Variants in MYOF observed in about 807,000 individuals in gnomAD.
The protein encoded by MYOF is fer-1-like 3, myoferlin.
A neutral mutation model predicts 284.2 loss-of-function variants in MYOF; 244 were observed. That is an observed-to-expected ratio of 0.86 (90% CI 0.77 to 0.95). The LOEUF (loss-of-function observed/expected upper bound fraction) is 0.95, where lower values mean the gene tolerates loss of function less well. Among genes scored for constraint, MYOF ranks in the 40% least tolerant of loss-of-function variants. The pLI, the probability that MYOF is intolerant of heterozygous loss-of-function variation, is 0.00. For synonymous variants in MYOF, 904 were observed against 919.7 expected, an observed-to-expected ratio of 0.98 and a Z score of 0.31; for missense variants, 2,496 against 2,560.6, an observed-to-expected ratio of 0.97 and a Z score of 0.54.
intron 17 of MYOF, among the ~76,000 whole-genome samples, chr10:93,389,407 A>G (rs1846563364): frequency 6.6e-6 from 1 of 152,258 alleles, no homozygotes; most frequent in African/African-American, 2.4e-5. Flanking sequence ...ATTTAAATAA[A>G]GAGCAATTAG....
chr10:93,478,410 G>A (rs7095411), intron 1 of MYOF: 2,336 of 163,584 alleles, frequency 0.014, 65 homozygotes, highest in African/African-American at 0.053. Context: ...TTACATAAGC[G>A]TTGTGGCTTT....
In MYOF at chr10:93,355,701, G is replaced by T. The variant is rs931776892; in HGVS notation, c.3330C>A (p.Ser1110Arg). Residue 1110 changes from serine (S) to arginine (R), a missense_variant, in exon 31 of 54, where the codon AGC (serine) becomes AGA (arginine). By Grantham distance (110) the Ser-to-Arg change is moderately radical (BLOSUM62 -1). Coordinates refer to ENST00000359263, the MANE Select transcript of MYOF (RefSeq NM_013451.4). ...ADTTEDGDEK[S>R]LEKQKHSATT... The stretch of plus-strand genomic sequence containing the variant: ...TGGCACTGTGCTTCTGTTTCTCCAG[G>T]CTCTTCTCATCCCCATCTTCGGTAG... The T allele has an allele frequency of 2.2e-5, 36 of 1,613,090 alleles. No individual in the cohort carries two copies. Among genetic ancestry groups the T allele is most frequent in the Non-Finnish European group, 2.8e-5 (33 of 1,179,404 alleles).
intron 5 of MYOF, among the ~76,000 whole-genome samples, chr10:93,420,328 G>A (rs573458866): frequency 2.6e-5 from 4 of 152,310 alleles, no homozygotes; most frequent in East Asian, 1.9e-4. Flanking sequence ...GACATCTGGC[G>A]AATTAAGTTG....
At chr10:93,396,806 G>A (rs1263185299) in intron 15 of MYOF, among the ~76,000 whole-genome samples, 2 of 152,164 alleles carry the variant, frequency 1.3e-5, no homozygotes, top group African/African-American at 4.8e-5. Flanking sequence ...TAGAAGGCTG[G>A]TCTACTAAAA....
Position 93,337,807 on chromosome 10 carries a change from C to T in MYOF, c.4437+8G>A. 6.2e-7 allele frequency: 1 copy of T among 1,610,130 alleles called. No individual in the cohort carries two copies. Among genetic ancestry groups the T allele is most frequent in the Non-Finnish European group, 8.5e-7 (1 of 1,176,532 alleles). Reference sequence around the variant, plus strand: ...ATTCTCCACCCATAGCAGCATAGATCCAGGTACCTTGAGCTTGGAATAGCC... The same window carrying T: ...ATTCTCCACCCATAGCAGCATAGATTCAGGTACCTTGAGCTTGGAATAGCC... On this transcript the variant is annotated splice_region_variant and intron_variant, in intron 40 of 53. Transcript: ENST00000359263.
chr10:93,338,342 G>A (rs1280312772), intron 39 of MYOF: 1 of 457,086 alleles, frequency 2.2e-6, no homozygotes, highest in South Asian at 1.5e-5. Context: ...ATACTCACTA[G>A]CTAAAAATTG....
chr10:93,350,517 T>G (rs1202754021), intron 35 of MYOF, among the ~76,000 whole-genome samples: 3 of 152,176 alleles, frequency 2.0e-5, no homozygotes, highest in African/African-American at 7.2e-5. Flanking sequence ...TCCACCATGT[T>G]GACCGGGTTG....
chr10:93,340,754 C>G (rs1250249152), intron 38 of MYOF, among the ~76,000 whole-genome samples: 2 of 81,618 alleles, frequency 2.5e-5, no homozygotes, highest in African/African-American at 7.8e-5. Context: ...CAAATCCTTT[C>G]ATGTGATTTT....
chr10:93,320,101 G>A (rs1842790592), intron 48 of MYOF, 88 bp from the exon 49 acceptor site: 1 of 1,480,508 alleles, frequency 6.8e-7, no homozygotes, highest in Non-Finnish European at 9.3e-7. Context: ...GGAGCAAAGA[G>A]CAGGAGAATT....
At chr10:93,437,093 C>T (rs1436397388) in intron 3 of MYOF, among the ~76,000 whole-genome samples, 1 of 152,110 alleles carries the variant, frequency 6.6e-6, no homozygotes, top group Non-Finnish European at 1.5e-5. Context: ...TGTCTTTCAG[C>T]CCACGAATGT....
In MYOF at chr10:93,338,193, A is replaced by G. The variant is rs1294582184; in HGVS notation, c.4339-280T>C. On this transcript the variant is annotated intron_variant, in intron 39 of 53. Coordinates refer to ENST00000359263, the MANE Select transcript of MYOF (RefSeq NM_013451.4). ...TTCTTATGTCTTTTACACACAGTCT[A>G]TTAATTTGTTGGTTTTTACATTTTT... 1.0e-5 allele frequency: 5 copies of G among 498,524 alleles called. No individual in the cohort carries two copies. The East Asian group carries it at 1.7e-4, about 17-fold the overall frequency. 30.9% of individuals were successfully genotyped at this position (498,524 alleles called of 1,614,324 possible).
intron 24 of MYOF, among the ~76,000 whole-genome samples, chr10:93,370,901 A>T (rs368841229): frequency 3.6e-4 from 55 of 152,196 alleles, no homozygotes; most frequent in Middle Eastern, 3.4e-3. Flanking sequence ...TGAACCTCTC[A>T]CTCCAAGGAA....
At chr10:93,475,842 G>A (rs764331339) in intron 1 of MYOF, among the ~76,000 whole-genome samples, 1 of 152,124 alleles carries the variant, frequency 6.6e-6, no homozygotes, top group Non-Finnish European at 1.5e-5. Flanking sequence ...GAAAAACAAG[G>A]CACGTTAATT....
Position 93,337,897 on chromosome 10 carries a change from T to A in MYOF, c.4355A>T (p.Asp1452Val). ...KLTEKEEEIV[D>V]WWSKFYASSG... ...GGAAGCATAAAATTTACTCCACCAG[T>A]CCACGATTTCTTCCTCCTAAAGACA... is the stretch of plus-strand genomic sequence containing the variant. Residue 1452 changes from aspartate to valine, a missense_variant, in exon 40 of 54, where the codon GAC becomes GTC. Physicochemically the swap from Asp to Val is radical, Grantham distance 152. This residue lies in a region of MYOF where 2,436 missense variants were observed against 2,480.7 expected (regional missense o/e 0.98). Transcript: ENST00000359263. 6.2e-7 allele frequency: 1 copy of A among 1,613,952 alleles called. No individual in the cohort carries two copies. The highest frequency in any genetic ancestry group is 1.3e-5 in the African/African-American group (1 of 75,006).
chr10:93,316,892 G>A, intron 49 of MYOF, 79 bp from the exon 50 acceptor site: 1 of 1,189,560 alleles, frequency 8.4e-7, no homozygotes, highest in South Asian at 1.3e-5. Flanking sequence ...AAAGCCTGGG[G>A]CCTTTCTCTC....
At chr10:93,391,729 G>T (rs907198868) in intron 17 of MYOF, among the ~76,000 whole-genome samples, 16 of 152,168 alleles carry the variant, frequency 1.1e-4, no homozygotes, top group African/African-American at 3.9e-4. Flanking sequence ...TTGCTGAAAA[G>T]CCTATATAAA....
At chr10:93,350,003 C>T in intron 35 of MYOF, 34 bp from the exon 36 acceptor site, 1 of 1,586,956 alleles carries the variant, frequency 6.3e-7, no homozygotes, top group Non-Finnish European at 8.6e-7. Flanking sequence ...GGGAAGGTAA[C>T]TCAGCACTTT....
chr10:93,336,013 A>T lies in MYOF; in HGVS notation c.4471T>A (p.Phe1491Ile). 1 of 1,614,012 alleles carries T rather than the reference A, an allele frequency of 6.2e-7. No homozygotes were observed. The highest frequency in any genetic ancestry group is 8.5e-7 in the Non-Finnish European group (1 of 1,179,978). Residue 1491 changes from phenylalanine to isoleucine, a missense_variant, in exon 41 of 54, where the codon TTT (phenylalanine) becomes ATT (isoleucine). Physicochemically the swap from Phe to Ile is conservative, Grantham distance 21. Around this residue, in one of 3 missense-constraint regions of MYOF, gnomAD observed 2,436 missense variants for 2,480.7 expected, o/e 0.98. Coordinates refer to ENST00000359263, the MANE Select transcript of MYOF (RefSeq NM_013451.4). ...TCTGAGAAGTCTGTCAGGCCCTCAA[A>T]TTCTGCTACATTTTCTAGTTCACAA... ...YNCELENVAE[F>I]EGLTDFSDTF...
At chr10:93,469,123 G>T (rs569738173) in intron 1 of MYOF, among the ~76,000 whole-genome samples, 61 of 152,306 alleles carry the variant, frequency 4.0e-4, no homozygotes, top group African/African-American at 1.4e-3. Flanking sequence ...CCATGAGCCA[G>T]GTATGGTGGC....
Sources: allele counts gnomAD v4.1 joint callset (sites outside exome capture counted in the v4.1 genomes callset), GRCh38; gene constraint gnomAD v4.1.1; regional missense constraint gnomAD v4.1.1; transcripts MANE v1.5; gene names NCBI Gene and HGNC (gene_info 2026-07-23, HGNC 2026-07-21).